The following TAF1 variants were observed in gnomAD, a reference collection of about 807,000 sequenced individuals.
The protein encoded by TAF1 is TATA-box binding protein associated factor 1.
A neutral mutation model predicts 138.5 loss-of-function variants in TAF1; 2 were observed. The ratio of observed to expected loss-of-function variants is 0.01; its 90% CI spans 0.01 to 0.05. TAF1 has a LOEUF of 0.05. Ranked by LOEUF, TAF1 falls within the 10% of genes least tolerant of loss-of-function variation. The pLI, the probability that TAF1 is intolerant of heterozygous loss-of-function variation, is 1.00. For missense variants in TAF1, 709 were observed against 1,478.0 expected (o/e 0.48, Z 8.53); for synonymous variants, 437 against 503.2 (o/e 0.87, Z 1.76).
intron 32 of TAF1, among the ~76,000 whole-genome samples, chrX:71,434,067 A>T (rs1037681973): frequency 1.8e-5 from 2 of 112,145 alleles, no homozygotes; most frequent in African/African-American, 6.5e-5. Flanking sequence ...TCTGTTTTTA[A>T]TTAATAGTAA....
At chrX:71,450,391 C>T (rs1352629671) in intron 32 of TAF1, among the ~76,000 whole-genome samples, 4 of 111,488 alleles carry the variant, frequency 3.6e-5, no homozygotes, top group Non-Finnish European at 5.6e-5. Flanking sequence ...TTAGTAGAGA[C>T]GGGGTTTTGC....
chrX:71,494,223 G>A (rs919526843), intron 13 of TAF1, among the ~76,000 whole-genome samples: 1 of 111,082 alleles, frequency 9.0e-6, no homozygotes, highest in African/African-American at 3.3e-5. Context: ...AGGAGATCGA[G>A]ACCAGCCTGG....
intron 13 of TAF1, among the ~76,000 whole-genome samples, chrX:71,479,986 A>T (rs900052211): frequency 9.0e-6 from 1 of 111,634 alleles, no homozygotes; most frequent in Admixed American, 9.6e-5. Context: ...GCACTTTGGG[A>T]GGCCCAGGTG....
chrX:71,366,606 G>T, intron 1 of TAF1, 112 bp downstream of exon 1: 1 of 808,349 alleles, frequency 1.2e-6, no homozygotes, highest in Non-Finnish European at 1.7e-6. Context: ...CGCAGCTAAC[G>T]CCGGGGAGGA....
At chrX:71,459,802 T>C (rs770258628) in intron 36 of TAF1, 94 bp downstream of exon 36, 421 of 1,150,995 alleles carry the variant, frequency 3.7e-4, no homozygotes, top group Admixed American at 2.9e-3. Flanking sequence ...TATGCTTTTA[T>C]TGGAAGCTGC....
chrX:71,396,584 A>G (rs1384282006), intron 22 of TAF1, among the ~76,000 whole-genome samples: 5 of 111,248 alleles, frequency 4.5e-5, no homozygotes, highest in Non-Finnish European at 5.7e-5. Flanking sequence ...GAGCCACTGT[A>G]CTCGGCCTTG....
At chrX:71,379,309 T>C (rs1054498860) in intron 8 of TAF1, among the ~76,000 whole-genome samples, 2 of 107,971 alleles carry the variant, frequency 1.9e-5, no homozygotes, top group African/African-American at 6.8e-5. Flanking sequence ...AGAGATGGGG[T>C]TTCTCCATGT....
At chrX:71,453,107 A>AGAG (rs2038115501) in intron 32 of TAF1, among the ~76,000 whole-genome samples, 1 of 108,768 alleles carries the variant, frequency 9.2e-6, no homozygotes, top group Non-Finnish European at 1.9e-5. Flanking sequence ...GAGAGGAGGG[A>AGAG]GAGGGAGAGG....
intron 13 of TAF1, among the ~76,000 whole-genome samples, chrX:71,476,307 G>T (rs771196345): frequency 9.0e-6 from 1 of 110,858 alleles, no homozygotes; most frequent in Non-Finnish European, 1.9e-5. Context: ...AGACAAACAG[G>T]GTGAGGGAAC....
intron 13 of TAF1, among the ~76,000 whole-genome samples, chrX:71,495,852 G>T (rs1238821651): frequency 1.8e-5 from 2 of 112,039 alleles, no homozygotes; most frequent in Non-Finnish European, 3.8e-5. Context: ...GATAGGGTCT[G>T]ATTTCCATAA....
At chrX:71,411,805 T>C (rs1341909496) in intron 28 of TAF1, among the ~76,000 whole-genome samples, 1 of 112,857 alleles carries the variant, frequency 8.9e-6, no homozygotes, top group African/African-American at 3.2e-5. Flanking sequence ...TTGCCCAGGC[T>C]GGAATGCGAT....
At chrX:71,513,997 C>G in intron 13 of TAF1, among the ~76,000 whole-genome samples, 1 of 111,673 alleles carries the variant, frequency 9.0e-6, no homozygotes, top group South Asian at 3.7e-4. Context: ...ACCCAGCCAG[C>G]AGCAGCAACC....
At position 71,518,748 on chromosome X, in the gene TAF1, T is replaced by G. The variant is rs547038806; in HGVS notation, c.1367-9794T>G. The stretch of plus-strand genomic sequence containing the variant: ...TCTGGCTCTGTCACCTGGGCTGGAG[T>G]GCAGTGGCGCAATCTCGGCTCATTG... On this transcript the variant is annotated intron_variant and NMD_transcript_variant, in intron 13 of 14. Transcript: ENST00000373775. 1.0e-4 allele frequency among the ~76,000 whole-genome samples: 10 copies of G among 95,664 alleles called. 1 individual carries two copies. Among genetic ancestry groups the G allele is most frequent in the African/African-American group, 3.9e-4 (10 of 25,410 alleles). 83.1% of individuals were successfully genotyped at this position (95,664 alleles called of 115,157 possible). A position where few individuals can be genotyped will look rare whatever the true frequency, so the allele number is the denominator to read the frequency against.
intron 13 of TAF1, among the ~76,000 whole-genome samples, chrX:71,500,098 G>A (rs1174937074): frequency 9.0e-6 from 1 of 110,860 alleles, no homozygotes; most frequent in Non-Finnish European, 1.9e-5. Context: ...CTGGGTGGGG[G>A]AGATTAGAGG....
chrX:71,528,740 T>C (rs745933996), intron 14 of TAF1: 3 of 323,082 alleles, frequency 9.3e-6, no homozygotes, highest in South Asian at 5.4e-5. Context: ...GTGTTACAGC[T>C]CTTTAAAGGT....
In TAF1 at chrX:71,389,607, C is replaced by T. The variant is rs143663676; in HGVS notation, c.2723C>T (p.Ser908Phe). The T allele has an allele frequency of 1.5e-5, 18 of 1,205,295 alleles. No individual in the cohort carries two copies. The highest frequency in any genetic ancestry group is 2.0e-5 in the Non-Finnish European group (18 of 893,862). The change falls in exon 18 of 38, where the codon TCC (serine) becomes TTC (phenylalanine). Residue 908 changes from serine (S) to phenylalanine (F), a missense_variant. By Grantham distance (155) the Ser-to-Phe change is radical (BLOSUM62 -2). Transcript: ENST00000423759. ...RLKDAGYGEK[S>F]FFAPEEENEE... The stretch of plus-strand genomic sequence containing the variant: ...CAGGATGCTGGCTATGGTGAGAAAT[C>T]CTTTTTTGCTCCAGAAGAAGAAAAT...
chrX:71,456,480 G>A (rs1337399597), intron 34 of TAF1, among the ~76,000 whole-genome samples: 2 of 110,098 alleles, frequency 1.8e-5, no homozygotes, highest in Non-Finnish European at 1.9e-5. Context: ...TGAGGAAGGT[G>A]TACATGAGTG....
At chrX:71,421,525 G>T in intron 29 of TAF1, 149 bp downstream of exon 29, 1 of 471,665 alleles carries the variant, frequency 2.1e-6, no homozygotes. Context: ...GGGACTTATA[G>T]AACTCATAGG....
At chrX:71,393,673 G>T (rs1323087388) in intron 21 of TAF1, among the ~76,000 whole-genome samples, 197 bp downstream of exon 21, 4 of 111,393 alleles carry the variant, frequency 3.6e-5, no homozygotes, top group Non-Finnish European at 5.6e-5. Flanking sequence ...CAAAATTTTT[G>T]AACAGAAGGA....
Sources: gnomAD v4.1 joint callset for allele counts (sites outside exome capture counted in the v4.1 genomes callset) on GRCh38, gnomAD v4.1.1 for gene constraint, MANE v1.5 for transcripts, NCBI Gene and HGNC (gene_info 2026-07-23, HGNC 2026-07-21) for gene names.